Variants in NPL observed in about 807,000 individuals in gnomAD.
The protein encoded by NPL is N-acetylneuraminate lyase.
NPL carries 32 observed loss-of-function variants against 41.1 expected under a neutral mutation model. That is an observed-to-expected ratio of 0.78 (90% CI 0.59 to 1.05). The LOEUF (loss-of-function observed/expected upper bound fraction) is 1.05, where lower values mean the gene tolerates loss of function less well. Among genes scored for constraint, NPL ranks in the 50% least tolerant of loss-of-function variants. NPL has a pLI of 0.00. For synonymous variants in NPL, 128 were observed against 134.9 expected (o/e 0.95, Z 0.35); for missense variants, 321 against 378.4 (o/e 0.85, Z 1.26).
intron 12 of NPL, 171 bp downstream of exon 12, chr1:182,825,991 A>G (rs1667621646): frequency 1.5e-6 from 1 of 678,082 alleles, no homozygotes; most frequent in Non-Finnish European, 2.7e-6. Flanking sequence ...TGTGAAGTAA[A>G]CCTAGTTGGA....
At chr1:182,804,929 A>C (rs1557944130) in intron 4 of NPL, among the ~76,000 whole-genome samples, 2 of 152,248 alleles carry the variant, frequency 1.3e-5, no homozygotes, top group Non-Finnish European at 1.5e-5. Context: ...AGGAAAAAGC[A>C]GGAATATCCC....
intron 6 of NPL, among the ~76,000 whole-genome samples, chr1:182,813,805 C>T (rs1667247078): frequency 6.6e-6 from 1 of 152,152 alleles, no homozygotes; most frequent in Admixed American, 6.5e-5. Context: ...TTAGGTGTTT[C>T]CTCTTTCCTT....
At chr1:182,790,613 T>TTTG (rs148847511) in intron 1 of NPL, among the ~76,000 whole-genome samples, 34,191 of 150,372 alleles carry the variant, frequency 0.23, 4,066 homozygotes, top group East Asian at 0.3. Flanking sequence ...GTTAAAGTCT[T>TTTG]TTGTTGTTGT....
chr1:182,825,845 T>G, intron 12 of NPL, 25 bp downstream of exon 12: 3 of 1,569,590 alleles, frequency 1.9e-6, no homozygotes, highest in Non-Finnish European at 2.6e-6. Context: ...TCTTCTGCTT[T>G]GTCTGCTGCT....
chr1:182,803,866 G>A (rs1666927050), intron 4 of NPL, 95 bp downstream of exon 4: 1 of 907,860 alleles, frequency 1.1e-6, no homozygotes, highest in Admixed American at 1.8e-5. Flanking sequence ...ACACAGTCAT[G>A]GTGTCACAGG....
chr1:182,814,685 A>C, intron 6 of NPL, 98 bp from the exon 7 acceptor site: 2 of 982,664 alleles, frequency 2.0e-6, no homozygotes, highest in South Asian at 1.3e-5. Context: ...TACATCAGTT[A>C]GCAAATTTGA....
chr1:182,829,087 A>C lies in NPL; in HGVS notation c.*179A>C. ...AAGTCTTATTTTGTGAAGGGGCAAAAACTCTAGGAGTCACAACTCTCAGTC... is the reference window on the plus strand; with the variant it reads ...AAGTCTTATTTTGTGAAGGGGCAAACACTCTAGGAGTCACAACTCTCAGTC... On this transcript the variant is annotated 3_prime_UTR_variant, in exon 13 of 13. Coordinates refer to ENST00000367553, the MANE Select transcript of NPL (RefSeq NM_030769.3). 8.4e-6 allele frequency: 12 copies of C among 1,432,408 alleles called. No individual in the cohort carries two copies. The highest frequency in any genetic ancestry group is 1.1e-5 in the Non-Finnish European group (12 of 1,099,568). 88.7% of individuals were successfully genotyped at this position (1,432,408 alleles called of 1,614,324 possible). A position where few individuals can be genotyped will look rare whatever the true frequency, so the allele number is the denominator to read the frequency against.
chr1:182,822,283 G>A (rs1457802541), intron 11 of NPL, 84 bp downstream of exon 11: 7 of 906,696 alleles, frequency 7.7e-6, no homozygotes, highest in African/African-American at 1.7e-5. Context: ...TACCATGCCT[G>A]CCCTCATTAA....
chr1:182,790,906 G>A (rs1467118861), intron 1 of NPL, among the ~76,000 whole-genome samples: 4 of 152,160 alleles, frequency 2.6e-5, no homozygotes, highest in Non-Finnish European at 1.5e-5. Context: ...GCCTCCCAAA[G>A]TGCTGGGATT....
At chr1:182,825,315 C>T (rs1212652609) in intron 11 of NPL, among the ~76,000 whole-genome samples, 1 of 152,156 alleles carries the variant, frequency 6.6e-6, no homozygotes, top group Non-Finnish European at 1.5e-5. Flanking sequence ...CATGCAGATT[C>T]TTATGCTGAT....
At position 182,814,869 on chromosome 1, in the gene NPL, A is replaced by G; in HGVS notation, c.364+11A>G. ...AGCCATGGACCAAAGGTAAGTAGAT[A>G]GGTCTGAATGCATGGCATCTCACAT... On this transcript the variant is annotated intron_variant, in intron 7 of 12. Transcript: ENST00000367553. The G allele has an allele frequency of 6.2e-7, 1 of 1,607,002 alleles. No homozygotes were observed. The highest frequency in any genetic ancestry group is 8.5e-7 in the Non-Finnish European group (1 of 1,173,540).
intron 1 of NPL, 128 bp downstream of exon 1, chr1:182,789,933 A>G (rs1330562219): frequency 6.6e-6 from 1 of 152,392 alleles, no homozygotes; most frequent in Non-Finnish European, 1.5e-5. Flanking sequence ...GACCCGGAGG[A>G]AAGAGGGAAG....
At chr1:182,800,918 C>T (rs571010379) in intron 3 of NPL, among the ~76,000 whole-genome samples, 3 of 151,760 alleles carry the variant, frequency 2.0e-5, no homozygotes, top group Non-Finnish European at 2.9e-5. Context: ...TTAGTAGAGA[C>T]GGGATTTCAC....
intron 6 of NPL, 150 bp from the exon 7 acceptor site, chr1:182,814,633 T>TG (rs1667271425): frequency 1.4e-6 from 1 of 699,354 alleles, no homozygotes; most frequent in Non-Finnish European, 2.5e-6. Context: ...TTCCTGGCAA[T>TG]GACATTCATT....
Position 182,793,901 on chromosome 1 carries a change from T to A in NPL, c.-16-455T>A, listed in dbSNP as rs139602243. ...GGATAGAAAATCAGTATTTGCAGGATGCAGAATTCTCATATGCCAGGCTTG... is the reference window on the plus strand; with the variant it reads ...GGATAGAAAATCAGTATTTGCAGGAAGCAGAATTCTCATATGCCAGGCTTG... On this transcript the variant is annotated intron_variant, in intron 2 of 12. Coordinates refer to ENST00000367553, the MANE Select transcript of NPL (RefSeq NM_030769.3). 8.1e-4 allele frequency among the ~76,000 whole-genome samples: 122 copies of A among 151,362 alleles called. 1 individual carries two copies. The highest frequency in any genetic ancestry group is 2.9e-3 in the African/African-American group (117 of 40,726).
At chr1:182,807,985 GT>G (rs1349254435) in intron 5 of NPL, among the ~76,000 whole-genome samples, 1 of 152,026 alleles carries the variant, frequency 6.6e-6, no homozygotes, top group African/African-American at 2.4e-5. Flanking sequence ...CCAGTTGGGA[GT>G]GAGTCCTGTC....
At chr1:182,827,639 G>A (rs1288190600) in intron 12 of NPL, among the ~76,000 whole-genome samples, 1 of 151,666 alleles carries the variant, frequency 6.6e-6, no homozygotes, top group Non-Finnish European at 1.5e-5. Flanking sequence ...AGTATTTCTT[G>A]TTGTTTTATA....
chr1:182,816,037 A>C (rs1474844692), intron 7 of NPL, among the ~76,000 whole-genome samples: 1 of 152,268 alleles, frequency 6.6e-6, no homozygotes, highest in Non-Finnish European at 1.5e-5. Context: ...TCGTAACAGT[A>C]TTAAGTACAT....
rs1343225848 is a variant in NPL, at chr1:182,814,822, G to A, written c.328G>A (p.Val110Ile). 6.5e-5 allele frequency: 105 copies of A among 1,613,956 alleles called. No individual in the cohort carries two copies. The highest frequency in any genetic ancestry group is 8.7e-5 in the Non-Finnish European group (103 of 1,179,976). Reference sequence around the variant, plus strand: ...AGAAATAGGAGCTGATGGCATCGCTGTCATTGCACCGTTCTTCCTCAAGCC... The same window carrying A: ...AGAAATAGGAGCTGATGGCATCGCTATCATTGCACCGTTCTTCCTCAAGCC... ...AAEIGADGIA[V>I]IAPFFLKPWT... The change falls in exon 7 of 13, where the codon GTC becomes ATC. Residue 110 changes from valine (V) to isoleucine (I), a missense_variant. Val to Ile is a conservative substitution (Grantham distance 29). Transcript: ENST00000367553.
Sources: gnomAD v4.1 joint callset for allele counts (sites outside exome capture counted in the v4.1 genomes callset) on GRCh38, gnomAD v4.1.1 for gene constraint, MANE v1.5 for transcripts, NCBI Gene and HGNC (gene_info 2026-07-23, HGNC 2026-07-21) for gene names.